The following MYOM1 variants were observed in gnomAD, a reference collection of about 807,000 sequenced individuals.
MYOM1 encodes the protein myomesin 1.
Under a neutral mutation model 205.3 loss-of-function variants are expected in MYOM1, and 164 were observed. The ratio of observed to expected loss-of-function variants is 0.80; its 90% CI spans 0.70 to 0.91. The LOEUF is 0.91. MYOM1 is among the 40% of genes least tolerant of loss of function. The probability of loss-of-function intolerance (pLI) is 0.00; values close to 1 mark genes in which losing one functional copy is unlikely to be tolerated. For synonymous variants in MYOM1, 772 were observed against 789.4 expected (o/e 0.98, Z 0.37); for missense variants, 2,011 against 2,127.3 (o/e 0.95, Z 1.08).
chr18:3,067,544 G>C lies in MYOM1; in HGVS notation c.4776C>G (p.Leu1592=), dbSNP rs1143658. The C allele has an allele frequency of 2.0e-3, 3,174 of 1,611,646 alleles. 1 individual carries two copies. The highest frequency in any genetic ancestry group is 2.4e-3 in the Non-Finnish European group (2,873 of 1,178,094). The change falls in exon 38 of 38, where the codon CTC becomes CTG. Residue 1592 remains leucine (L), a synonymous_variant. Coordinates refer to ENST00000356443, the MANE Select transcript of MYOM1 (RefSeq NM_003803.4). ...GCGGGTCTCCCCACACGTTGCAAGT[G>C]AGATTAAGGGCCTGCAAGACAGGTT... is the stretch of plus-strand genomic sequence containing the variant. ...VTIQEGKALN[L]TCNVWGDPPP...
At chr18:3,206,174 G>A (rs893799557) in intron 2 of MYOM1, among the ~76,000 whole-genome samples, 1 of 152,176 alleles carries the variant, frequency 6.6e-6, no homozygotes, top group Non-Finnish European at 1.5e-5. Context: ...AGGATGAAAA[G>A]CTCTGTTTTT....
At chr18:3,238,359 C>T in the MYOM1 span, among the ~76,000 whole-genome samples, 5 of 152,110 alleles carry the variant, frequency 3.3e-5, no homozygotes, top group Non-Finnish European at 4.4e-5. Context: ...CAAAGCATCA[C>T]TCCCTCCGAC....
chr18:3,150,129 A>G (rs1467254267), intron 12 of MYOM1, among the ~76,000 whole-genome samples: 1 of 152,144 alleles, frequency 6.6e-6, no homozygotes, highest in Non-Finnish European at 1.5e-5. Context: ...GCGCGATCTC[A>G]GCTCACTGCA....
At chr18:3,168,112 C>T (rs905584044) in intron 9 of MYOM1, among the ~76,000 whole-genome samples, 5 of 152,118 alleles carry the variant, frequency 3.3e-5, no homozygotes, top group Non-Finnish European at 4.4e-5. Flanking sequence ...GCCTTTAATA[C>T]GTTAAAACAA....
At position 3,157,726 on chromosome 18, in the gene MYOM1, CCTT is replaced by C. The variant is rs113461501; in HGVS notation, c.1502-2641_1502-2639del. Among the ~76,000 whole-genome samples, 1,048 of 130,384 alleles carry C rather than the reference CCTT, an allele frequency of 8.0e-3. 7 individuals are homozygous for C. The highest frequency in any genetic ancestry group is 0.025 in the African/African-American group (882 of 34,984). 85.5% of individuals were successfully genotyped at this position (130,384 alleles called of 152,430 possible). A position where few individuals can be genotyped will look rare whatever the true frequency, so the allele number is the denominator to read the frequency against. On this transcript the variant is annotated intron_variant, in intron 10 of 37. Coordinates refer to ENST00000356443, the MANE Select transcript of MYOM1 (RefSeq NM_003803.4). ...TAATAATAATAATAATAATAATAAT[CCTT>C]CTTTTTCTCAAGAAGCTACGATATA...
At chr18:3,224,980 T>C in the MYOM1 span, among the ~76,000 whole-genome samples, 1 of 150,078 alleles carries the variant, frequency 6.7e-6, no homozygotes, top group South Asian at 2.1e-4. Flanking sequence ...TTAGTATTAT[T>C]ATTTTATTTT....
At chr18:3,161,326 G>A (rs1436639038) in intron 10 of MYOM1, among the ~76,000 whole-genome samples, 7 of 152,320 alleles carry the variant, frequency 4.6e-5, no homozygotes, top group Non-Finnish European at 8.8e-5. Context: ...CCGATGTGGT[G>A]TGGCCTGCTA....
intron 36 of MYOM1, among the ~76,000 whole-genome samples, chr18:3,073,247 G>C (rs187108386): frequency 6.6e-6 from 1 of 152,278 alleles, no homozygotes; most frequent in East Asian, 1.9e-4. Context: ...GCACAGGATG[G>C]GTGCTGGGAT....
intron 29 of MYOM1, among the ~76,000 whole-genome samples, chr18:3,086,860 C>T (rs544789996): frequency 2.4e-4 from 37 of 152,128 alleles, no homozygotes; most frequent in African/African-American, 7.2e-4. Flanking sequence ...TCAAGAAAAC[C>T]GTCTCAAAGA....
intron 21 of MYOM1, among the ~76,000 whole-genome samples, chr18:3,115,448 T>A (rs891235261): frequency 6.6e-6 from 1 of 152,014 alleles, no homozygotes; most frequent in African/African-American, 2.4e-5. Context: ...CAGGGAGAGA[T>A]CTTTTTGGCC....
chr18:3,217,791 T>C (rs2081287784), intron 1 of MYOM1, among the ~76,000 whole-genome samples: 1 of 152,120 alleles, frequency 6.6e-6, no homozygotes, highest in South Asian at 2.1e-4. Context: ...GAGACCAGCC[T>C]GGGCAACGTG....
At chr18:3,188,636 A>C in intron 4 of MYOM1, 112 bp downstream of exon 4, 1 of 1,161,878 alleles carries the variant, frequency 8.6e-7, no homozygotes, top group Non-Finnish European at 1.2e-6. Context: ...CTCAAAAGGA[A>C]AAAAAAAAAG....
At position 3,151,538 on chromosome 18, in the gene MYOM1, G is replaced by A. The variant is rs62076870; in HGVS notation, c.1843+156C>T. Among the ~76,000 whole-genome samples the A allele has an allele frequency of 0.13, 20,044 of 151,468 alleles. 1,530 individuals carry two copies. Among genetic ancestry groups the A allele is most frequent in the Middle Eastern group, 0.23 (67 of 292 alleles). On this transcript the variant is annotated intron_variant, in intron 12 of 37. Transcript: ENST00000356443. ...AGAGAATGGCTAAGGCAATGTTTGC[G>A]AAGGATTCTCCCCCTCGGATTTTCT...
chr18:3,176,871 G>C (rs1482532125), intron 5 of MYOM1, among the ~76,000 whole-genome samples: 1 of 150,592 alleles, frequency 6.6e-6, no homozygotes, highest in African/African-American at 2.5e-5. Context: ...GACGGAGTGA[G>C]ACTCCATCTC....
intron 37 of MYOM1, among the ~76,000 whole-genome samples, chr18:3,070,637 T>G (rs569893079): frequency 3.9e-5 from 6 of 152,160 alleles, no homozygotes; most frequent in Non-Finnish European, 5.9e-5. Flanking sequence ...ATTTACCTGA[T>G]GCCAAATTTA....
rs573023709 is a variant in MYOM1 at position 3,126,841 on chromosome 18, C to A, written c.2851G>T (p.Val951Phe). ...TCLESFRDSM[V>F]LGWKQPDKIG... ...TTATCTGGTTGCTTCCATCCAAGAA[C>A]CATTGAGTCACGAAAACTTTCAAGA... The change falls in exon 19 of 38, where the codon GTT (valine) becomes TTT (phenylalanine). Residue 951 changes from valine to phenylalanine, a missense_variant. Coordinates refer to ENST00000356443, the MANE Select transcript of MYOM1 (RefSeq NM_003803.4). 49 of 1,613,422 alleles carry A rather than the reference C, an allele frequency of 3.0e-5. No individual in the cohort carries two copies. In the African/African-American group the frequency reaches 6.0e-4, roughly 20 times the overall value.
intron 2 of MYOM1, among the ~76,000 whole-genome samples, chr18:3,199,048 A>G (rs1216408436): frequency 6.6e-6 from 1 of 152,216 alleles, no homozygotes; most frequent in African/African-American, 2.4e-5. Flanking sequence ...TTCGCTATTC[A>G]TAGAACAAAC....
Position 3,214,936 on chromosome 18 carries a change from A to G in MYOM1, c.288T>C (p.His96=), listed in dbSNP as rs572943065. The change falls in exon 2 of 38, where the codon CAT becomes CAC. Residue 96 remains histidine, a splice_region_variant and synonymous_variant. Transcript: ENST00000356443. Reference sequence around the variant, plus strand: ...TTGGAGGAGGGCGTCCGACATACCCATGGGAGGAGCCATAATCGTAGGCTG... The same window carrying G: ...TTGGAGGAGGGCGTCCGACATACCCGTGGGAGGAGCCATAATCGTAGGCTG... ...AASAYDYGSS[H]GLTDSSLLLD... is the part of the protein sequence containing the mutation. 2 of 1,594,022 alleles carry G rather than the reference A, an allele frequency of 1.3e-6. No individual in the cohort carries two copies. The highest frequency in any genetic ancestry group is 2.2e-5 in the East Asian group (1 of 44,552).
chr18:3,133,977 T>C (rs2079914432), intron 16 of MYOM1, among the ~76,000 whole-genome samples: 1 of 152,146 alleles, frequency 6.6e-6, no homozygotes, highest in Admixed American at 6.5e-5. Flanking sequence ...ATTCTCCCAC[T>C]TCAACCTCTT....
Sources: allele counts gnomAD v4.1 joint callset (sites outside exome capture counted in the v4.1 genomes callset), GRCh38; gene constraint gnomAD v4.1.1; transcripts MANE v1.5; gene names NCBI Gene and HGNC (gene_info 2026-07-23, HGNC 2026-07-21).